Variants in ERCC8 observed in about 807,000 individuals in gnomAD.
ERCC8 encodes the protein DNA excision repair protein ERCC-8.
Under a neutral mutation model 54.9 loss-of-function variants are expected in ERCC8, and 52 were observed. That is an observed-to-expected ratio of 0.95 (90% CI 0.76 to 1.19). The LOEUF (loss-of-function observed/expected upper bound fraction) is 1.19. ERCC8 is among the 50% of genes most tolerant of loss of function. ERCC8 has a pLI of 0.00. For synonymous variants in ERCC8, 146 were observed against 157.2 expected, an observed-to-expected ratio of 0.93 and a Z score of 0.53; for missense variants, 514 against 466.1, an observed-to-expected ratio of 1.10 and a Z score of -0.95.
Position 60,904,776 on chromosome 5 carries a change from G to A in ERCC8, c.481+16C>T. On this transcript the variant is annotated intron_variant, in intron 5 of 11. Transcript: ENST00000676185. ...GTTTTCAGTATGTCAAAAGACAAAA[G>A]AATACACTTACAAACCTGCTACCAA... The A allele has an allele frequency of 2.0e-6, 3 of 1,525,010 alleles. No individual in the cohort carries two copies. Among genetic ancestry groups the A allele is most frequent in the African/African-American group, 1.4e-5 (1 of 72,428 alleles). 94.5% of individuals were successfully genotyped at this position (1,525,010 alleles called of 1,614,324 possible).
chr5:60,927,760 TAGA>T (rs936899885), intron 2 of ERCC8, among the ~76,000 whole-genome samples: 1 of 152,130 alleles, frequency 6.6e-6, no homozygotes, highest in African/African-American at 2.4e-5. Flanking sequence ...TGTCCTTGAA[TAGA>T]AGGTGTTACA....
chr5:60,886,309 T>C (rs1748388338), intron 11 of ERCC8, among the ~76,000 whole-genome samples: 1 of 152,180 alleles, frequency 6.6e-6, no homozygotes, highest in Non-Finnish European at 1.5e-5. Context: ...AAGGTCTTTA[T>C]TTACACTGTC....
chr5:60,878,911 C>G (rs992489697), intron 11 of ERCC8, among the ~76,000 whole-genome samples: 3 of 152,120 alleles, frequency 2.0e-5, no homozygotes, highest in Non-Finnish European at 4.4e-5. Context: ...CTTCTGCTAG[C>G]TTTTGAATGT....
intron 1 of ERCC8, among the ~76,000 whole-genome samples, chr5:60,931,723 A>G (rs922644640): frequency 6.6e-6 from 1 of 152,054 alleles, no homozygotes; most frequent in Non-Finnish European, 1.5e-5. Flanking sequence ...CATTTTTCTG[A>G]AAATATTTTT....
At chr5:60,880,394 G>A (rs1007890178) in intron 11 of ERCC8, among the ~76,000 whole-genome samples, 4 of 152,202 alleles carry the variant, frequency 2.6e-5, no homozygotes, top group African/African-American at 9.6e-5. Context: ...CTGTTTTTCT[G>A]AATTTGAATG....
rs566583898 is a variant in ERCC8, at chr5:60,941,218, C to T, written c.77+3714G>A. Among the ~76,000 whole-genome samples, 18 of 152,150 alleles carry T rather than the reference C, an allele frequency of 1.2e-4. No homozygotes were observed. In the South Asian group the frequency reaches 3.7e-3, roughly 32 times the overall value. ...TGAAACAGATGTTAAAACAGAAAGT[C>T]TCAGCAAAGAAATAGAAGACATAAA... On this transcript the variant is annotated intron_variant, in intron 1 of 11. Transcript: ENST00000676185.
intron 9 of ERCC8, among the ~76,000 whole-genome samples, chr5:60,894,231 G>A (rs922533402): frequency 6.6e-6 from 1 of 152,064 alleles, no homozygotes; most frequent in Non-Finnish European, 1.5e-5. Context: ...TGATCTGCCT[G>A]CCTTGATCTC....
chr5:60,869,033 T>A lies in ERCC8; in HGVS notation c.*5582A>T, dbSNP rs961307798. 6.6e-6 allele frequency among the ~76,000 whole-genome samples: 1 copy of A among 152,240 alleles called. No homozygotes were observed. The highest frequency in any genetic ancestry group is 2.4e-5 in the African/African-American group (1 of 41,474). ...GATTTTAAGTTTACTGCTTTAGTGA[T>A]AAGTTTTTTAGTTCGGGCTCAATAA... is the stretch of plus-strand genomic sequence containing the variant. On this transcript the variant is annotated 3_prime_UTR_variant, in exon 12 of 12. Transcript: ENST00000676185.
chr5:60,874,718 C>T lies in ERCC8; in HGVS notation c.1123-35G>A, dbSNP rs767786136. On this transcript the variant is annotated intron_variant, in intron 11 of 11. Coordinates refer to ENST00000676185, the MANE Select transcript of ERCC8 (RefSeq NM_000082.4). The stretch of plus-strand genomic sequence containing the variant: ...AAAAAGATAAAGAAAAAGGAAGATT[C>T]TGTTTTTTCTACTTCATAATTTTAG... 3.2e-5 allele frequency: 49 copies of T among 1,542,944 alleles called. No homozygotes were observed. The South Asian group carries it at 5.9e-4, about 19-fold the overall frequency.
chr5:60,938,350 A>ATTTTT (rs1231887020), intron 1 of ERCC8, among the ~76,000 whole-genome samples: 2 of 41,042 alleles, frequency 4.9e-5, no homozygotes, highest in Non-Finnish European at 8.5e-5. Flanking sequence ...ACCTTTTTGA[A>ATTTTT]TTTTTTTTTT....
chr5:60,871,602 A>G lies in ERCC8; in HGVS notation c.*3013T>C, dbSNP rs1747864562. Among the ~76,000 whole-genome samples, 1 of 152,184 alleles carries G rather than the reference A, an allele frequency of 6.6e-6. No homozygotes were observed. Among genetic ancestry groups the G allele is most frequent in the Non-Finnish European group, 1.5e-5 (1 of 68,024 alleles). ...AAGAGATTCATGAAGAATGACCATG[A>G]AAATGTTAGTGGTGGTTACCTTATG... On this transcript the variant is annotated 3_prime_UTR_variant, in exon 12 of 12. Coordinates refer to ENST00000676185, the MANE Select transcript of ERCC8 (RefSeq NM_000082.4).
chr5:60,887,015 G>C (rs1748413516), intron 11 of ERCC8, among the ~76,000 whole-genome samples: 1 of 152,086 alleles, frequency 6.6e-6, no homozygotes, highest in South Asian at 2.1e-4. Context: ...AGAAAAGTGA[G>C]ATACCAAGTT....
At chr5:60,911,852 C>A (rs2112506850) in intron 4 of ERCC8, among the ~76,000 whole-genome samples, 1 of 152,216 alleles carries the variant, frequency 6.6e-6, no homozygotes, top group East Asian at 1.9e-4. Context: ...ATAGGGAATC[C>A]TTTCCCCATT....
chr5:60,900,823 T>C (rs1020097894), intron 7 of ERCC8: 3 of 152,070 alleles, frequency 2.0e-5, no homozygotes, highest in Admixed American at 6.6e-5. Context: ...ATTGAAAGCT[T>C]CTTAGCTCTC....
At chr5:60,875,766 C>G (rs915525433) in intron 11 of ERCC8, among the ~76,000 whole-genome samples, 1 of 152,028 alleles carries the variant, frequency 6.6e-6, no homozygotes. Flanking sequence ...GCGCGATCTC[C>G]GCTCACTGCA....
intron 11 of ERCC8, among the ~76,000 whole-genome samples, chr5:60,876,994 T>C (rs1254999919): frequency 6.6e-6 from 1 of 152,200 alleles, no homozygotes; most frequent in Non-Finnish European, 1.5e-5. Flanking sequence ...GGTTTTCTTC[T>C]GGGGTTTTTA....
intron 9 of ERCC8, among the ~76,000 whole-genome samples, chr5:60,895,597 A>T (rs562595947): frequency 8.3e-4 from 126 of 152,356 alleles, no homozygotes; most frequent in Non-Finnish European, 1.5e-3. Context: ...GGTATTCAGT[A>T]AGTTCCTAGA....
At chr5:60,905,803 A>G (rs1367230411) in intron 4 of ERCC8, among the ~76,000 whole-genome samples, 1 of 152,194 alleles carries the variant, frequency 6.6e-6, no homozygotes, top group African/African-American at 2.4e-5. Flanking sequence ...GGATTTATTA[A>G]TATTACTCTA....
At chr5:60,942,497 G>A (rs990658709) in intron 1 of ERCC8, among the ~76,000 whole-genome samples, 1 of 152,138 alleles carries the variant, frequency 6.6e-6, no homozygotes, top group African/African-American at 2.4e-5. Context: ...CAATAACATG[G>A]AGAAATTTCA....
Sources: allele counts gnomAD v4.1 joint callset (sites outside exome capture counted in the v4.1 genomes callset), GRCh38; gene constraint gnomAD v4.1.1; transcripts MANE v1.5; gene names NCBI Gene and HGNC (gene_info 2026-07-23, HGNC 2026-07-21).